The following PPFIA2 variants were observed in gnomAD, a reference collection of about 807,000 sequenced individuals.
PPFIA2 encodes liprin-alpha-2.
In PPFIA2, 46 loss-of-function variants were observed where a neutral mutation model predicts 175.5. That is an observed-to-expected ratio of 0.26 (90% CI 0.21 to 0.34). The LOEUF is 0.34. Among genes scored for constraint, PPFIA2 ranks in the 10% least tolerant of loss-of-function variants. PPFIA2 has a pLI of 1.00. For missense variants in PPFIA2, 1,179 were observed against 1,506.1 expected (o/e 0.78, Z 3.60); for synonymous variants, 568 against 511.4 (o/e 1.11, Z -1.49).
At chr12:81,714,127 G>C (rs1347181830) in intron 3 of PPFIA2, among the ~76,000 whole-genome samples, 1 of 151,086 alleles carries the variant, frequency 6.6e-6, no homozygotes, top group East Asian at 2.0e-4. Flanking sequence ...GTAGTATGTG[G>C]TCAGAGAGAG....
In PPFIA2 at chr12:81,440,004, G is replaced by C; in HGVS notation, c.613C>G (p.Leu205Val). ...TTAGCAGCAGCTAGTTCTTCTTCCA[G>C]TGCAGAGACTCTTTCTAAAGAAACC... ...LRVSLERVSA[L>V]EEELAAANQE... The change falls in exon 7 of 33, where the codon CTG (leucine) becomes GTG (valine). Residue 205 changes from leucine (L) to valine (V), a missense_variant. Physicochemically the swap from Leu to Val is conservative, Grantham distance 32. Around this residue, in one of 10 missense-constraint regions of PPFIA2, gnomAD observed 49 missense variants for 108.9 expected, o/e 0.45. Coordinates refer to ENST00000549396, the MANE Select transcript of PPFIA2 (RefSeq NM_003625.5). The C allele has an allele frequency of 6.2e-7, 1 of 1,602,966 alleles. No individual in the cohort carries two copies. Among genetic ancestry groups the C allele is most frequent in the South Asian group, 1.1e-5 (1 of 88,890 alleles).
chr12:81,559,855 A>G (rs1208778703), intron 4 of PPFIA2, among the ~76,000 whole-genome samples: 2 of 150,774 alleles, frequency 1.3e-5, no homozygotes, highest in East Asian at 3.9e-4. Flanking sequence ...ATTTCCCCCA[A>G]CCCAAATAAT....
intron 7 of PPFIA2, among the ~76,000 whole-genome samples, chr12:81,428,886 T>A (rs561638883): frequency 3.3e-5 from 5 of 152,034 alleles, no homozygotes; most frequent in Non-Finnish European, 7.4e-5. Context: ...GCATTATCTT[T>A]AAGGAATATA....
At chr12:81,606,263 T>A (rs990778482) in intron 4 of PPFIA2, among the ~76,000 whole-genome samples, 1 of 152,070 alleles carries the variant, frequency 6.6e-6, no homozygotes, top group Non-Finnish European at 1.5e-5. Flanking sequence ...CCATTGTGAA[T>A]AGAATGACAC....
At chr12:81,330,794 G>A (rs1476267034) in intron 21 of PPFIA2, among the ~76,000 whole-genome samples, 2 of 152,046 alleles carry the variant, frequency 1.3e-5, no homozygotes, top group Non-Finnish European at 2.9e-5. Flanking sequence ...ATAGCACATG[G>A]TTTGTATTAA....
At chr12:81,642,984 C>CTT (rs1240943361) in intron 4 of PPFIA2, among the ~76,000 whole-genome samples, 1 of 143,466 alleles carries the variant, frequency 7.0e-6, no homozygotes, top group African/African-American at 2.5e-5. Flanking sequence ...TTATATATCT[C>CTT]TTATGTGTAT....
At chr12:81,559,696 G>T (rs1197505606) in intron 4 of PPFIA2, among the ~76,000 whole-genome samples, 1 of 151,916 alleles carries the variant, frequency 6.6e-6, no homozygotes, top group East Asian at 1.9e-4. Flanking sequence ...TTTATATTTA[G>T]GTGAGATCTT....
intron 4 of PPFIA2, among the ~76,000 whole-genome samples, chr12:81,605,547 C>A (rs1395528887): frequency 2.0e-5 from 3 of 151,740 alleles, no homozygotes; most frequent in African/African-American, 4.8e-5. Flanking sequence ...AAATTTGCAG[C>A]CCAGATGGAC....
chr12:81,661,707 C>T (rs2068904585), intron 4 of PPFIA2, among the ~76,000 whole-genome samples: 3 of 152,180 alleles, frequency 2.0e-5, no homozygotes, highest in Admixed American at 2.0e-4. Flanking sequence ...ACCTAATAGA[C>T]ATCTACAGAA....
chr12:81,356,922 G>A (rs1264465883), intron 16 of PPFIA2, among the ~76,000 whole-genome samples: 2 of 152,068 alleles, frequency 1.3e-5, no homozygotes, highest in African/African-American at 4.8e-5. Context: ...TTTTTTAAAT[G>A]GATACAAGAA....
intron 3 of PPFIA2, among the ~76,000 whole-genome samples, chr12:81,729,332 C>T (rs932519774): frequency 9.9e-5 from 15 of 151,510 alleles, no homozygotes; most frequent in African/African-American, 3.6e-4. Context: ...TTCAAGAAAT[C>T]GGGATTTATT....
chr12:81,532,967 A>ATTT (rs5799537), intron 4 of PPFIA2, among the ~76,000 whole-genome samples: 23 of 150,954 alleles, frequency 1.5e-4, no homozygotes, highest in South Asian at 6.3e-4. Context: ...ATATCATTTA[A>ATTT]TTTTTTTTTG....
At chr12:81,581,826 G>T (rs2074459386) in intron 4 of PPFIA2, among the ~76,000 whole-genome samples, 1 of 151,636 alleles carries the variant, frequency 6.6e-6, no homozygotes, top group Non-Finnish European at 1.5e-5. Context: ...TTTGTTTAAT[G>T]TGCCCATAAG....
intron 14 of PPFIA2, 126 bp from the exon 15 acceptor site, chr12:81,362,910 CATAATAATA>C: frequency 1.9e-6 from 1 of 534,294 alleles, no homozygotes; most frequent in South Asian, 4.0e-5. Flanking sequence ...GGTTATTACA[CATAATAATA>C]AAGCACGCCA....
At chr12:81,442,363 T>C (rs941713714) in intron 6 of PPFIA2, among the ~76,000 whole-genome samples, 2 of 152,052 alleles carry the variant, frequency 1.3e-5, no homozygotes, top group Admixed American at 6.6e-5. Flanking sequence ...TGGGGAATTA[T>C]CACTCCTACA....
At chr12:81,345,846 A>G (rs2058978964) in intron 18 of PPFIA2, among the ~76,000 whole-genome samples, 1 of 152,166 alleles carries the variant, frequency 6.6e-6, no homozygotes, top group Non-Finnish European at 1.5e-5. Context: ...AAATAAGCAG[A>G]TCACAATGTA....
chr12:81,518,309 T>A (rs1011297333), intron 4 of PPFIA2, among the ~76,000 whole-genome samples: 2 of 152,114 alleles, frequency 1.3e-5, no homozygotes, highest in Non-Finnish European at 2.9e-5. Context: ...TATGTCCTGC[T>A]AATAACAACA....
intron 3 of PPFIA2, among the ~76,000 whole-genome samples, chr12:81,753,285 A>T (rs2084120427): frequency 6.6e-6 from 1 of 151,770 alleles, no homozygotes; most frequent in South Asian, 2.1e-4. Flanking sequence ...CTTTGTATAT[A>T]AATAGGCTGG....
At chr12:81,465,838 T>A (rs180689800) in intron 4 of PPFIA2, among the ~76,000 whole-genome samples, 1 of 151,942 alleles carries the variant, frequency 6.6e-6, no homozygotes, top group Admixed American at 6.6e-5. Context: ...TTCAGAGGAG[T>A]CTTTAGAAAT....
Sources: allele counts gnomAD v4.1 joint callset (sites outside exome capture counted in the v4.1 genomes callset), GRCh38; gene constraint gnomAD v4.1.1; regional missense constraint gnomAD v4.1.1; transcripts MANE v1.5; gene names NCBI Gene and HGNC (gene_info 2026-07-23, HGNC 2026-07-21).